The following ZC3H3 variants were observed in gnomAD, a reference collection of about 807,000 sequenced individuals.
ZC3H3 encodes zinc finger CCCH domain-containing protein 3.
A neutral mutation model predicts 77.3 loss-of-function variants in ZC3H3; 36 were observed. The ratio of observed to expected loss-of-function variants is 0.47; its 90% confidence interval spans 0.36 to 0.61. The LOEUF is 0.61. ZC3H3 is among the 20% of genes least tolerant of loss of function. The probability of loss-of-function intolerance (pLI) is 0.00; values close to 1 mark genes in which losing one functional copy is unlikely to be tolerated. For missense variants in ZC3H3, 1,331 were observed against 1,312.2 expected, an observed-to-expected ratio of 1.01 and a Z score of -0.22; for synonymous variants, 626 against 555.2, an observed-to-expected ratio of 1.13 and a Z score of -1.79.
At chr8:143,455,246 G>A (rs1820085258) in intron 9 of ZC3H3, among the ~76,000 whole-genome samples, 1 of 152,102 alleles carries the variant, frequency 6.6e-6, no homozygotes. Context: ...CCCAGGAGAT[G>A]GAGGGTGCAG....
chr8:143,525,233 G>A (rs1454102162), intron 3 of ZC3H3, among the ~76,000 whole-genome samples: 2 of 152,242 alleles, frequency 1.3e-5, no homozygotes. Flanking sequence ...CCCAGGAGCT[G>A]GTGACAGTAC....
At chr8:143,497,402 A>G (rs866389030) in intron 4 of ZC3H3, among the ~76,000 whole-genome samples, 20 of 151,416 alleles carry the variant, frequency 1.3e-4, no homozygotes, top group Middle Eastern at 3.4e-3. Flanking sequence ...CTGGGTGGGC[A>G]GCAGCAGGAA....
At position 143,512,007 on chromosome 8, in the gene ZC3H3, C is replaced by A. The variant is rs150999121; in HGVS notation, c.1562-4108G>T. Among the ~76,000 whole-genome samples the A allele has an allele frequency of 2.0e-5, 3 of 152,380 alleles. No individual in the cohort carries two copies. In the East Asian group the frequency reaches 5.8e-4, roughly 29 times the overall value. On this transcript the variant is annotated intron_variant, in intron 3 of 11. Coordinates refer to ENST00000262577, the MANE Select transcript of ZC3H3 (RefSeq NM_015117.3). Reference sequence around the variant, plus strand: ...AGCAGACAGGACGGCGTGGGGCCCACGAAGGGATGATGTTGACTTGCCTGA... The same window carrying A: ...AGCAGACAGGACGGCGTGGGGCCCAAGAAGGGATGATGTTGACTTGCCTGA...
intron 11 of ZC3H3, among the ~76,000 whole-genome samples, chr8:143,438,923 A>C (rs569176182): frequency 1.3e-5 from 2 of 152,298 alleles, no homozygotes; most frequent in South Asian, 4.1e-4. Context: ...CCGCTCCAGC[A>C]GCAGCTCCAG....
rs1340560921 is a variant in ZC3H3, at chr8:143,460,073, C to CG, written c.2307+5643_2307+5644insC. On this transcript the variant is annotated intron_variant, in intron 9 of 11. Coordinates refer to ENST00000262577, the MANE Select transcript of ZC3H3 (RefSeq NM_015117.3). The surrounding 1 kb of genome is among the most constrained non-coding windows in gnomAD (Gnocchi z 4.0). ...ACCAGCCTGGCCCCATGGTGTGACC[C>CG]TGTCTCTACTAAAAACACAAAAATT... Among the ~76,000 whole-genome samples, 101 of 152,026 alleles carry CG rather than the reference C, an allele frequency of 6.6e-4. No homozygotes were observed. The highest frequency in any genetic ancestry group is 2.1e-3 in the African/African-American group (88 of 41,376).
chr8:143,447,057 C>A (rs193038000), intron 9 of ZC3H3, among the ~76,000 whole-genome samples: 7 of 152,356 alleles, frequency 4.6e-5, no homozygotes, highest in Admixed American at 4.6e-4. Flanking sequence ...CCAGGCTCCA[C>A]GGCGCTCTCT....
chr8:143,439,936 T>C lies in ZC3H3; in HGVS notation c.2815+105A>G, dbSNP rs1183961230. ...AGCCAGGCCATGCTGCCTACCTGAG[T>C]CCTTGCTGAGGGGGGGGCCCTGGGG... On this transcript the variant is annotated intron_variant, in intron 11 of 11. Coordinates refer to ENST00000262577, the MANE Select transcript of ZC3H3 (RefSeq NM_015117.3). The C allele has an allele frequency of 2.5e-5, 16 of 636,060 alleles. 2 individuals are homozygous for C. The African/African-American group carries it at 3.2e-4, about 13-fold the overall frequency. The allele number at this position is 636,060 out of a possible 1,614,324, so 39.4% of individuals were successfully genotyped here. A position where few individuals can be genotyped will look rare whatever the true frequency, so the allele number is the denominator to read the frequency against.
At chr8:143,503,637 GCACCCAACTGT>G (rs1821598631) in intron 4 of ZC3H3, among the ~76,000 whole-genome samples, 2 of 57,324 alleles carry the variant, frequency 3.5e-5, no homozygotes, top group South Asian at 6.7e-4. Context: ...ACCTCCTCCA[GCACCCAACTGT>G]CTCCACCACC....
At chr8:143,442,088 A>T (rs1317325058) in intron 9 of ZC3H3, among the ~76,000 whole-genome samples, 1 of 151,938 alleles carries the variant, frequency 6.6e-6, no homozygotes, top group East Asian at 1.9e-4. Context: ...CAGGCACCTG[A>T]CCTAAGAATC....
intron 3 of ZC3H3, among the ~76,000 whole-genome samples, chr8:143,513,426 C>A (rs1037627787): frequency 5.9e-5 from 9 of 152,208 alleles, no homozygotes; most frequent in Non-Finnish European, 1.3e-4. Context: ...ATCCTGCCCC[C>A]ACCAAGGCTG....
chr8:143,521,461 A>T (rs2130466503), intron 3 of ZC3H3, among the ~76,000 whole-genome samples: 1 of 152,198 alleles, frequency 6.6e-6, no homozygotes, highest in Admixed American at 6.5e-5. Flanking sequence ...GGCCGGGAGG[A>T]CTGGGTGTGG....
intron 3 of ZC3H3, among the ~76,000 whole-genome samples, chr8:143,519,564 C>T (rs562911771): frequency 6.6e-6 from 1 of 152,320 alleles, no homozygotes; most frequent in East Asian, 1.9e-4. Context: ...AAGCCCCAAG[C>T]GGCAGGCAGG....
rs201778053 is a variant in ZC3H3, at chr8:143,460,292, A to AT, written c.2307+5424_2307+5425insA. Among the ~76,000 whole-genome samples the AT allele has an allele frequency of 7.3e-3, 1,109 of 151,504 alleles. 6 individuals carry two copies. The highest frequency in any genetic ancestry group is 0.011 in the Non-Finnish European group (773 of 67,874). ...AATAAATAAATAAATAAATAAATAA[A>AT]AGGCATCCCAATTGAAAAGGAAGAA... On this transcript the variant is annotated intron_variant, in intron 9 of 11. Coordinates refer to ENST00000262577, the MANE Select transcript of ZC3H3 (RefSeq NM_015117.3). The surrounding 1 kb of genome is among the most constrained non-coding windows in gnomAD (Gnocchi z 4.0).
intron 8 of ZC3H3, among the ~76,000 whole-genome samples, chr8:143,467,719 G>A (rs980454744): frequency 3.9e-5 from 6 of 152,154 alleles, no homozygotes; most frequent in South Asian, 2.1e-4. Flanking sequence ...GTTTCAGGCC[G>A]CGGGGACAAC....
chr8:143,508,604 A>C (rs1821780402), intron 3 of ZC3H3, among the ~76,000 whole-genome samples: 1 of 152,172 alleles, frequency 6.6e-6, no homozygotes, highest in Non-Finnish European at 1.5e-5. Context: ...CCCAGCTTGC[A>C]TCATGTACAG....
At chr8:143,439,148 C>T (rs1417707202) in intron 11 of ZC3H3, among the ~76,000 whole-genome samples, 1 of 151,752 alleles carries the variant, frequency 6.6e-6, no homozygotes, top group East Asian at 1.9e-4. Flanking sequence ...GGGGCCCCAT[C>T]TGCTCCCCGA....
intron 1 of ZC3H3, among the ~76,000 whole-genome samples, chr8:143,540,945 G>C (rs944911741): frequency 1.3e-5 from 2 of 152,140 alleles, no homozygotes; most frequent in Admixed American, 1.3e-4. Flanking sequence ...GACAGAGCAA[G>C]ACTCTGTCTC....
rs558665690 is a variant in ZC3H3 at position 143,484,909 on chromosome 8, T to C, written c.1716-9324A>G. 1,161 of 453,964 alleles carry C rather than the reference T, an allele frequency of 2.6e-3. 3 individuals carry two copies. The highest frequency in any genetic ancestry group is 4.0e-3 in the Non-Finnish European group (902 of 226,290). The allele number at this position is 453,964 out of a possible 1,614,324, so 28.1% of individuals were successfully genotyped here. Reference sequence around the variant, plus strand: ...AGCTCCCTGGAAAGGCGTGGTGACCTCAGCAAACTTCATGCGGCCCTTGCA... The same window carrying C: ...AGCTCCCTGGAAAGGCGTGGTGACCCCAGCAAACTTCATGCGGCCCTTGCA... On this transcript the variant is annotated intron_variant, in intron 4 of 11. Transcript: ENST00000262577.
intron 3 of ZC3H3, among the ~76,000 whole-genome samples, chr8:143,518,066 C>T (rs533105605): frequency 3.9e-5 from 6 of 152,314 alleles, no homozygotes; most frequent in Admixed American, 3.3e-4. Flanking sequence ...TCCACAGGGC[C>T]CCCAGCCCTT....
Sources: gnomAD v4.1 joint callset for allele counts (sites outside exome capture counted in the v4.1 genomes callset) on GRCh38, gnomAD v4.1.1 for gene constraint, Gnocchi (gnomAD v3.1) non-coding constraint, MANE v1.5 for transcripts, NCBI Gene and HGNC (gene_info 2026-07-23, HGNC 2026-07-21) for gene names.